GABRR2: variants seen among roughly 807,000 people sequenced by gnomAD.
GABRR2 encodes gamma-aminobutyric acid type A receptor subunit rho2, also known as gamma-aminobutyric acid receptor subunit rho-2.
Under a neutral mutation model 47.0 loss-of-function variants are expected in GABRR2, and 36 were observed. That is an observed-to-expected ratio of 0.77 (90% confidence interval 0.59 to 1.01). The LOEUF (loss-of-function observed/expected upper bound fraction) is 1.01, where lower values mean the gene tolerates loss of function less well. GABRR2 is among the 50% of genes least tolerant of loss of function. The pLI is 0.00. For missense variants in GABRR2, 587 were observed against 594.6 expected, an observed-to-expected ratio of 0.99 and a Z score of 0.13; for synonymous variants, 204 against 227.5, an observed-to-expected ratio of 0.90 and a Z score of 0.93.
intron 1 of GABRR2, among the ~76,000 whole-genome samples, chr6:89,305,272 T>C (rs1018828498): frequency 1.3e-5 from 2 of 152,210 alleles, no homozygotes; most frequent in Admixed American, 6.5e-5. Flanking sequence ...TGAGAATCAC[T>C]TGAACCCGAG....
chr6:89,303,224 G>A (rs1767489184), intron 1 of GABRR2: 4 of 368,310 alleles, frequency 1.1e-5, no homozygotes, highest in Non-Finnish European at 2.2e-5. Context: ...TCCCCCACCA[G>A]CTTGTCACTC....
At chr6:89,267,089 T>A (rs1773915841) in intron 6 of GABRR2, among the ~76,000 whole-genome samples, 1 of 148,820 alleles carries the variant, frequency 6.7e-6, no homozygotes, top group Non-Finnish European at 1.5e-5. Flanking sequence ...AACCTTTGCC[T>A]CCTGGGTTCA....
At chr6:89,309,007 T>C (rs923073212) in intron 1 of GABRR2, among the ~76,000 whole-genome samples, 5 of 152,246 alleles carry the variant, frequency 3.3e-5, no homozygotes, top group Admixed American at 3.3e-4. Flanking sequence ...TGGGTTGGAA[T>C]AGAGGGCTGT....
At chr6:89,296,919 G>A (rs1774564665) in intron 2 of GABRR2, among the ~76,000 whole-genome samples, 1 of 152,196 alleles carries the variant, frequency 6.6e-6, no homozygotes, top group Admixed American at 6.5e-5. Flanking sequence ...TGGCTGTTCG[G>A]TGGCCATCAC....
At chr6:89,310,806 C>T (rs961962135) in intron 1 of GABRR2, among the ~76,000 whole-genome samples, 1 of 152,014 alleles carries the variant, frequency 6.6e-6, no homozygotes, top group Admixed American at 6.5e-5. Context: ...AGAGGCCAGG[C>T]CAGGCAGAGC....
intron 8 of GABRR2, among the ~76,000 whole-genome samples, chr6:89,263,498 G>C (rs1773799835): frequency 6.6e-6 from 1 of 152,122 alleles, no homozygotes; most frequent in Non-Finnish European, 1.5e-5. Context: ...GTACAGTACA[G>C]TACATTATAG....
intron 4 of GABRR2, 87 bp from the exon 5 acceptor site, chr6:89,268,183 T>C: frequency 2.1e-6 from 2 of 944,608 alleles, no homozygotes; most frequent in Non-Finnish European, 3.4e-6. Context: ...AGCACACAAC[T>C]GAGTAGCTGC....
rs1275564647 is a variant in GABRR2, at chr6:89,265,708, A to G, written c.794T>C (p.Leu265Ser). Residue 265 changes from leucine to serine, a missense_variant, in exon 7 of 9, where the codon TTG becomes TCG. Transcript: ENST00000402938. ...FTLRRHIFFF[L>S]LQTYFPATLM... ...AGTGGCAGGGAAATATGTTTGGAGC[A>G]AGAAGAAGAAGATGTGGCGACGCAA... 3 of 1,606,838 alleles carry G rather than the reference A, an allele frequency of 1.9e-6. No individual in the cohort carries two copies. The South Asian group carries it at 3.3e-5, about 18-fold the overall frequency.
chr6:89,302,282 G>A (rs570511122), intron 1 of GABRR2: 6 of 565,886 alleles, frequency 1.1e-5, no homozygotes, highest in East Asian at 4.6e-5. Flanking sequence ...CACCTTCAGC[G>A]TAGTGCCCTC....
At position 89,264,604 on chromosome 6, in the gene GABRR2, G is replaced by C. The variant is rs764832612; in HGVS notation, c.894C>G (p.Ile298Met). The C allele has an allele frequency of 5.6e-6, 9 of 1,614,092 alleles. No homozygotes were observed. Among genetic ancestry groups the C allele is most frequent in the Non-Finnish European group, 7.6e-6 (9 of 1,179,980 alleles). The change falls in exon 8 of 9, where the codon ATC becomes ATG. Residue 298 changes from isoleucine (I) to methionine (M), a missense_variant. Transcript: ENST00000402938. ...RAVPARVSLG[I>M]TTVLTMTTII... is the part of the protein sequence containing the mutation. ...TGGTGGTCATGGTCAGCACCGTCGT[G>C]ATACCTGCAACACCCGGCCTTAGTT...
intron 1 of GABRR2, chr6:89,302,071 C>T (rs751594282): frequency 1.6e-6 from 1 of 637,286 alleles, no homozygotes; most frequent in Non-Finnish European, 2.9e-6. Flanking sequence ...AGAGTGGGGC[C>T]GGCAATAACT....
intron 8 of GABRR2, among the ~76,000 whole-genome samples, chr6:89,258,347 C>T (rs745663591): frequency 1.5e-4 from 23 of 152,080 alleles, no homozygotes; most frequent in Non-Finnish European, 2.5e-4. Flanking sequence ...GGTGTCAGAG[C>T]AGGACTCTAA....
intron 8 of GABRR2, among the ~76,000 whole-genome samples, chr6:89,260,533 C>T (rs1249482217): frequency 2.0e-5 from 3 of 152,230 alleles, no homozygotes; most frequent in Admixed American, 6.5e-5. Flanking sequence ...TGGGCTCCCA[C>T]GTGTTCCCGC....
At chr6:89,293,989 C>A (rs12195077) in intron 2 of GABRR2, among the ~76,000 whole-genome samples, 7,996 of 152,200 alleles carry the variant, frequency 0.053, 310 homozygotes, top group Non-Finnish European at 0.076. Flanking sequence ...TCTTTCTAGA[C>A]TAAAAAGGTC....
At chr6:89,259,056 C>T (rs1773678445) in intron 8 of GABRR2, among the ~76,000 whole-genome samples, 1 of 151,748 alleles carries the variant, frequency 6.6e-6, no homozygotes, top group African/African-American at 2.4e-5. Flanking sequence ...GTATGACACT[C>T]TAAGTGGGAG....
At chr6:89,296,659 G>A (rs2127846121) in intron 2 of GABRR2, among the ~76,000 whole-genome samples, 1 of 152,322 alleles carries the variant, frequency 6.6e-6, no homozygotes, top group East Asian at 1.9e-4. Flanking sequence ...GCTCTGGAGG[G>A]CCCCACAGAA....
At position 89,257,590 on chromosome 6, in the gene GABRR2, TG is replaced by T; in HGVS notation, c.*79del. On this transcript the variant is annotated 3_prime_UTR_variant, in exon 9 of 9. Coordinates refer to ENST00000402938, the MANE Select transcript of GABRR2 (RefSeq NM_002043.5). ...GCTGCATTGTTTGGTGAGGGGCGTG[TG>T]GTCAACAAGTCCGTCTGTCAATGAC... is the stretch of plus-strand genomic sequence containing the variant. 1 of 1,144,940 alleles carries T rather than the reference TG, an allele frequency of 8.7e-7. No homozygotes were observed. The highest frequency in any genetic ancestry group is 1.2e-6 in the Non-Finnish European group (1 of 806,404). 70.9% of individuals were successfully genotyped at this position (1,144,940 alleles called of 1,614,324 possible). A position where few individuals can be genotyped will look rare whatever the true frequency, so the allele number is the denominator to read the frequency against.
chr6:89,300,632 G>A (rs1046169727), intron 1 of GABRR2, among the ~76,000 whole-genome samples: 5 of 150,900 alleles, frequency 3.3e-5, no homozygotes, highest in Admixed American at 2.7e-4. Context: ...ATAAATTCCT[G>A]GACACATACA....
intron 2 of GABRR2, among the ~76,000 whole-genome samples, chr6:89,298,229 A>G (rs1350704376): frequency 6.6e-6 from 1 of 152,160 alleles, no homozygotes; most frequent in African/African-American, 2.4e-5. Flanking sequence ...GTCAGAGCTC[A>G]GGGAATTTAG....
Sources: allele counts gnomAD v4.1 joint callset (sites outside exome capture counted in the v4.1 genomes callset), GRCh38; gene constraint gnomAD v4.1.1; transcripts MANE v1.5; gene names NCBI Gene and HGNC (gene_info 2026-07-23, HGNC 2026-07-21).